PDE1A: variants seen among roughly 807,000 people sequenced by gnomAD.
The protein encoded by PDE1A is dual specificity calcium/calmodulin-dependent 3',5'-cyclic nucleotide phosphodiesterase 1A.
In PDE1A, 35 loss-of-function variants were observed where a neutral mutation model predicts 61.7. The ratio of observed to expected loss-of-function variants is 0.57; its 90% CI spans 0.43 to 0.75. The LOEUF (loss-of-function observed/expected upper bound fraction) is 0.75. Ranked by LOEUF, PDE1A falls within the 30% of genes least tolerant of loss-of-function variation. PDE1A has a pLI of 0.00. For synonymous variants in PDE1A, 232 were observed against 213.2 expected, an observed-to-expected ratio of 1.09 and a Z score of -0.77; for missense variants, 597 against 630.6, an observed-to-expected ratio of 0.95 and a Z score of 0.57.
chr2:182,223,377 A>G (rs1165779948), intron 7 of PDE1A, among the ~76,000 whole-genome samples: 1 of 152,080 alleles, frequency 6.6e-6, no homozygotes, highest in South Asian at 2.1e-4. Flanking sequence ...TTTGATTTAA[A>G]TAACTTCCAT....
chr2:182,568,068 G>A, the PDE1A span, among the ~76,000 whole-genome samples: 20 of 151,864 alleles, frequency 1.3e-4, no homozygotes, highest in African/African-American at 4.4e-4. Context: ...CAAAGTGCTA[G>A]GATTACAGGT....
intron 1 of PDE1A, among the ~76,000 whole-genome samples, chr2:182,297,095 C>G (rs1027618710): frequency 6.6e-6 from 1 of 152,142 alleles, no homozygotes; most frequent in Non-Finnish European, 1.5e-5. Flanking sequence ...TATAATAAAT[C>G]TCTTCCTAAA....
At chr2:182,364,130 G>C (rs1228239982) in intron 1 of PDE1A, among the ~76,000 whole-genome samples, 1 of 151,866 alleles carries the variant, frequency 6.6e-6, no homozygotes, top group Non-Finnish European at 1.5e-5. Flanking sequence ...AATAGAACAA[G>C]GATATGTTGG....
intron 1 of PDE1A, among the ~76,000 whole-genome samples, chr2:182,343,805 G>A (rs779387072): frequency 9.2e-5 from 14 of 151,806 alleles, no homozygotes; most frequent in Non-Finnish European, 2.1e-4. Context: ...TTTTATCTCT[G>A]TCAAGAATAT....
chr2:182,318,384 G>T (rs11679657), intron 1 of PDE1A, among the ~76,000 whole-genome samples: 35,677 of 151,988 alleles, frequency 0.23, 4,518 homozygotes, highest in East Asian at 0.48. Context: ...GCTATTCCCT[G>T]GCCTCACCAG....
exon 12 of PDE1A, chr2:182,186,511 C>G: frequency 6.2e-7 from 1 of 1,613,264 alleles, no homozygotes; most frequent in Non-Finnish European, 8.5e-7. Flanking sequence ...GAGGCTTCCT[C>G]TATAAGAGGA....
chr2:182,434,861 C>T (rs1015149962), intron 2 of PDE1A, among the ~76,000 whole-genome samples: 1 of 151,860 alleles, frequency 6.6e-6, no homozygotes. Flanking sequence ...ACAAAATACA[C>T]AAGAATTATT....
intron 1 of PDE1A, among the ~76,000 whole-genome samples, chr2:182,390,356 A>C (rs1461000634): frequency 3.9e-5 from 6 of 152,182 alleles, no homozygotes; most frequent in African/African-American, 1.4e-4. Flanking sequence ...CTGTTTAGAG[A>C]GTTATACAAA....
chr2:182,403,217 T>G (rs374186051), intron 1 of PDE1A, among the ~76,000 whole-genome samples: 1 of 152,180 alleles, frequency 6.6e-6, no homozygotes, highest in Non-Finnish European at 1.5e-5. Flanking sequence ...CAAAGACACA[T>G]GCACACATAT....
At position 182,400,007 on chromosome 2, in the gene PDE1A, T is replaced by C. The variant is rs1701912041; in HGVS notation, c.53+26571A>G. Among the ~76,000 whole-genome samples, 11 of 151,644 alleles carry C rather than the reference T, an allele frequency of 7.3e-5. No homozygotes were observed. The South Asian group carries it at 2.1e-3, about 29-fold the overall frequency. On this transcript the variant is annotated intron_variant, in intron 1 of 13. Transcript: ENST00000351439. ...ATTATAAGGTTATTTCCTCAAGAGA[T>C]AGTAAAAATTCACACTCTTTCCTTT...
chr2:182,177,865 C>G (rs1366390037), intron 13 of PDE1A, among the ~76,000 whole-genome samples: 1 of 152,124 alleles, frequency 6.6e-6, no homozygotes, highest in Non-Finnish European at 1.5e-5. Context: ...AGTTCCATCA[C>G]ATTAAATCAC....
chr2:182,339,345 C>G (rs1029877665), intron 1 of PDE1A, among the ~76,000 whole-genome samples: 1 of 152,156 alleles, frequency 6.6e-6, no homozygotes, highest in East Asian at 1.9e-4. Flanking sequence ...AAACTAGATG[C>G]TCTTATCCAT....
intron 1 of PDE1A, among the ~76,000 whole-genome samples, chr2:182,380,781 G>A (rs1156596681): frequency 1.3e-5 from 2 of 152,168 alleles, no homozygotes; most frequent in African/African-American, 2.4e-5. Flanking sequence ...CATGGATAGT[G>A]CCTAGCAGAA....
intron 1 of PDE1A, among the ~76,000 whole-genome samples, chr2:182,375,946 C>T (rs1700378148): frequency 6.6e-6 from 1 of 152,232 alleles, no homozygotes; most frequent in African/African-American, 2.4e-5. Flanking sequence ...ACGTTTGCCC[C>T]TTTCAGCCAA....
the PDE1A span, among the ~76,000 whole-genome samples, chr2:182,598,207 T>C: frequency 6.6e-6 from 1 of 152,218 alleles, no homozygotes; most frequent in Non-Finnish European, 1.5e-5. Flanking sequence ...TTAATCTTTT[T>C]TCCAGTGCTT....
the PDE1A span, among the ~76,000 whole-genome samples, chr2:182,710,730 C>T: frequency 2.6e-5 from 4 of 152,132 alleles, no homozygotes; most frequent in Non-Finnish European, 1.5e-5. Flanking sequence ...GGTATATATA[C>T]CACATTTTCT....
At chr2:182,192,694 G>A (rs1685800428) in intron 10 of PDE1A, among the ~76,000 whole-genome samples, 1 of 152,094 alleles carries the variant, frequency 6.6e-6, no homozygotes, top group Admixed American at 6.5e-5. Flanking sequence ...TAAAAATGAG[G>A]AGTAAGTAGA....
chr2:182,272,637 A>C (rs1240834058), intron 1 of PDE1A, among the ~76,000 whole-genome samples: 3 of 152,172 alleles, frequency 2.0e-5, no homozygotes, highest in African/African-American at 7.2e-5. Flanking sequence ...GTATGTGTCC[A>C]TCCTGGAAAC....
intron 13 of PDE1A, 200 bp downstream of exon 13, chr2:182,185,691 TG>T: frequency 1.1e-6 from 1 of 896,424 alleles, no homozygotes; most frequent in Non-Finnish European, 1.6e-6. Context: ...GCAGCCCATG[TG>T]GCACAAACAA....
Sources: allele counts gnomAD v4.1 joint callset (sites outside exome capture counted in the v4.1 genomes callset), GRCh38; gene constraint gnomAD v4.1.1; transcripts MANE v1.5; gene names NCBI Gene and HGNC (gene_info 2026-07-23, HGNC 2026-07-21).